FAM171A2: variants seen among roughly 807,000 people sequenced by gnomAD.
The protein encoded by FAM171A2 is family with sequence similarity 171 member A2.
Under a neutral mutation model 34.2 loss-of-function variants are expected in FAM171A2, and 13 were observed. The observed-to-expected ratio is 0.38, with a 90% confidence interval of 0.25 to 0.60. The LOEUF is 0.60. FAM171A2 is among the 20% of genes least tolerant of loss of function. The pLI is 0.62. For missense variants in FAM171A2, 950 were observed against 1,180.7 expected (o/e 0.80, Z 2.86); for synonymous variants, 475 against 561.2 (o/e 0.85, Z 2.17).
chr17:44,354,423 G>T lies in FAM171A2; in HGVS notation c.1791C>A (p.Gly597=). The T allele has an allele frequency of 8.7e-7, 1 of 1,143,332 alleles. No homozygotes were observed. The highest frequency in any genetic ancestry group is 4.1e-5 in the South Asian group (1 of 24,212). The allele number at this position is 1,143,332 out of a possible 1,614,324, so 70.8% of individuals were successfully genotyped here. Residue 597 remains glycine (G), a synonymous_variant, in exon 8 of 8, where the codon GGC becomes GGA. Transcript: ENST00000293443. The surrounding 1 kb of genome is among the most constrained non-coding windows in gnomAD (Gnocchi z 5.8). ...PGHSGPGGEG[G]GGGGEGWGAG... ...CCCCCCAGCCCTCGCCGCCGCCCCCGCCGCCCTCGCCCCCCGGGCCCGAGT... is the reference window on the plus strand; with the variant it reads ...CCCCCCAGCCCTCGCCGCCGCCCCCTCCGCCCTCGCCCCCCGGGCCCGAGT...
Position 44,354,667 on chromosome 17 carries a change from G to A in FAM171A2, c.1547C>T (p.Ala516Val), listed in dbSNP as rs1479330294. The A allele has an allele frequency of 4.4e-5, 58 of 1,322,600 alleles. No individual in the cohort carries two copies. The highest frequency in any genetic ancestry group is 1.3e-4 in the South Asian group (7 of 52,468). 81.9% of individuals were successfully genotyped at this position (1,322,600 alleles called of 1,614,324 possible). The change falls in exon 8 of 8, where the codon GCG becomes GTG. Residue 516 changes from alanine to valine, a missense_variant. Coordinates refer to ENST00000293443, the MANE Select transcript of FAM171A2 (RefSeq NM_198475.3). This position sits in a 1 kb window ranked among gnomAD's most constrained non-coding sequence, Gnocchi z 5.8. ...GGAGCCGCAGAAGATGAGCTGCCCCGCCTGGCCCAGCGACGGCGGCCGCGC... is the reference window on the plus strand; with the variant it reads ...GGAGCCGCAGAAGATGAGCTGCCCCACCTGGCCCAGCGACGGCGGCCGCGC... ...QLARPPSLGQ[A>V]GQLIFCGSID... is the part of the protein sequence containing the mutation.
chr17:44,354,596 G>C lies in FAM171A2; in HGVS notation c.1618C>G (p.Leu540Val). 1 of 1,245,468 alleles carries C rather than the reference G, an allele frequency of 8.0e-7. No individual in the cohort carries two copies. The highest frequency in any genetic ancestry group is 2.9e-5 in the South Asian group (1 of 34,606). The allele number at this position is 1,245,468 out of a possible 1,614,324, so 77.2% of individuals were successfully genotyped here. The change falls in exon 8 of 8, where the codon CTG (leucine) becomes GTG (valine). Residue 540 changes from leucine to valine, a missense_variant. Transcript: ENST00000293443. This position sits in a 1 kb window ranked among gnomAD's most constrained non-coding sequence, Gnocchi z 5.8. ...DNVYRNVMPTLVIPAHYVRLG... is the reference protein window; with the variant it reads ...DNVYRNVMPTVVIPAHYVRLG... The stretch of plus-strand genomic sequence containing the variant: ...CGCACGTAGTGCGCGGGGATCACCA[G>C]GGTGGGCATGACGTTGCGGTAGACG...
At position 44,354,651 on chromosome 17, in the gene FAM171A2, G is replaced by T; in HGVS notation, c.1563C>A (p.Phe521Leu). The change falls in exon 8 of 8, where the codon TTC (phenylalanine) becomes TTA (leucine). Residue 521 changes from phenylalanine to leucine, a missense_variant. Phe to Leu is a conservative substitution (Grantham distance 22, BLOSUM62 0). Coordinates refer to ENST00000293443, the MANE Select transcript of FAM171A2 (RefSeq NM_198475.3). This position sits in a 1 kb window ranked among gnomAD's most constrained non-coding sequence, Gnocchi z 5.8. ...CCTTGAGGTGGTCGATGGAGCCGCA[G>T]AAGATGAGCTGCCCCGCCTGGCCCA... ...PSLGQAGQLI[F>L]CGSIDHLKDN... 1.5e-6 allele frequency: 2 copies of T among 1,303,552 alleles called. No homozygotes were observed. Among genetic ancestry groups the T allele is most frequent in the South Asian group, 4.1e-5 (2 of 48,490 alleles). The allele number at this position is 1,303,552 out of a possible 1,614,324, so 80.7% of individuals were successfully genotyped here. A position where few individuals can be genotyped will look rare whatever the true frequency, so the allele number is the denominator to read the frequency against.
chr17:44,353,657 C>A lies in FAM171A2; in HGVS notation c.*76G>T, dbSNP rs1057395042. ...TGGGGCTGGGAGCTACGCGCGAGGG[C>A]CCCCGCGGGCCCCCGGGGCGCGCAC... On this transcript the variant is annotated 3_prime_UTR_variant, in exon 8 of 8. Transcript: ENST00000293443. The A allele has an allele frequency of 8.2e-6, 9 of 1,103,814 alleles. No individual in the cohort carries two copies. The African/African-American group carries it at 1.2e-4, about 14-fold the overall frequency. The allele number at this position is 1,103,814 out of a possible 1,614,324, so 68.4% of individuals were successfully genotyped here.
Position 44,363,818 on chromosome 17 carries a change from C to T in FAM171A2, c.-104G>A. On this transcript the variant is annotated 5_prime_UTR_variant, in exon 1 of 8. Coordinates refer to ENST00000293443, the MANE Select transcript of FAM171A2 (RefSeq NM_198475.3). ...GCGCCGCGCCTCGCAGCTCCGGCTC[C>T]CGCTCCCGCTGCGGCGCCCGCTCAG... is the stretch of plus-strand genomic sequence containing the variant. The T allele has an allele frequency of 4.5e-6, 2 of 446,128 alleles. No homozygotes were observed. 27.6% of individuals were successfully genotyped at this position (446,128 alleles called of 1,614,324 possible).
rs1185998000 is a variant in FAM171A2 at position 44,355,800 on chromosome 17, A to G, written c.937T>C (p.Tyr313His). 2.4e-5 allele frequency: 38 copies of G among 1,551,656 alleles called. No homozygotes were observed. Among genetic ancestry groups the G allele is most frequent in the Non-Finnish European group, 3.3e-5 (38 of 1,147,026 alleles). Residue 313 changes from tyrosine (Y) to histidine (H), a missense_variant, in exon 7 of 8, where the codon TAC (tyrosine) becomes CAC (histidine). Around this residue, in one of 3 missense-constraint regions of FAM171A2, gnomAD observed 752 missense variants for 924.5 expected, o/e 0.81. Transcript: ENST00000293443. The surrounding 1 kb of genome is among the most constrained non-coding windows in gnomAD (Gnocchi z 4.1). Reference protein sequence around the residue: ...ITSGIQDIGTYHTIFLLTILA... With the variant: ...ITSGIQDIGTHHTIFLLTILA... ...ATGGTGAGCAAGAAGATGGTGTGGT[A>G]GGTGCCGATGTCCTGGATGCCCGAC...
intron 2 of FAM171A2, 67 bp downstream of exon 2, chr17:44,359,838 C>T: frequency 6.8e-7 from 1 of 1,461,832 alleles, no homozygotes; most frequent in Non-Finnish European, 9.2e-7. Context: ...CCCAAGGAGA[C>T]TATTTTGGGA....
At chr17:44,363,480 A>C (rs1361508179) in intron 1 of FAM171A2, 117 bp downstream of exon 1, 4 of 430,958 alleles carry the variant, frequency 9.3e-6, no homozygotes, top group Admixed American at 9.3e-5. Context: ...CCCCCACCCG[A>C]ATCCAGGGAA....
At position 44,355,341 on chromosome 17, in the gene FAM171A2, C is replaced by T. The variant is rs1263137513; in HGVS notation, c.1023-150G>A. ...CTCAGGAGAGATGGCGGGGAGCCGCCGTGTCCGTTTGGCGATCCCCTCAGG... is the reference window on the plus strand; with the variant it reads ...CTCAGGAGAGATGGCGGGGAGCCGCTGTGTCCGTTTGGCGATCCCCTCAGG... On this transcript the variant is annotated intron_variant, in intron 7 of 7. Transcript: ENST00000293443. The surrounding 1 kb of genome is among the most constrained non-coding windows in gnomAD (Gnocchi z 4.1). 1.3e-5 allele frequency: 18 copies of T among 1,377,854 alleles called. No individual in the cohort carries two copies. In the Admixed American group the frequency reaches 1.9e-4, roughly 14 times the overall value. The allele number at this position is 1,377,854 out of a possible 1,614,324, so 85.4% of individuals were successfully genotyped here. A position where few individuals can be genotyped will look rare whatever the true frequency, so the allele number is the denominator to read the frequency against.
intron 3 of FAM171A2, 77 bp from the exon 4 acceptor site, chr17:44,356,665 A>T: frequency 7.0e-7 from 1 of 1,433,366 alleles, no homozygotes. Flanking sequence ...CCCATTATCT[A>T]AGGAAAAGGG....
rs1200373218 is a variant in FAM171A2, at chr17:44,354,654, G to A, written c.1560C>T (p.Ile520=). ...PPSLGQAGQL[I]FCGSIDHLKD... is the part of the protein sequence containing the mutation. ...TGAGGTGGTCGATGGAGCCGCAGAAGATGAGCTGCCCCGCCTGGCCCAGCG... is the reference window on the plus strand; with the variant it reads ...TGAGGTGGTCGATGGAGCCGCAGAAAATGAGCTGCCCCGCCTGGCCCAGCG... Residue 520 remains isoleucine, a synonymous_variant, in exon 8 of 8, where the codon ATC becomes ATT. Coordinates refer to ENST00000293443, the MANE Select transcript of FAM171A2 (RefSeq NM_198475.3). The surrounding 1 kb of genome is among the most constrained non-coding windows in gnomAD (Gnocchi z 5.8). 12 of 1,304,486 alleles carry A rather than the reference G, an allele frequency of 9.2e-6. No homozygotes were observed. Among genetic ancestry groups the A allele is most frequent in the South Asian group, 6.2e-5 (3 of 48,730 alleles). 80.8% of individuals were successfully genotyped at this position (1,304,486 alleles called of 1,614,324 possible).
chr17:44,355,853 G>T lies in FAM171A2; in HGVS notation c.896-12C>A. 1 of 1,551,592 alleles carries T rather than the reference G, an allele frequency of 6.4e-7. No homozygotes were observed. The highest frequency in any genetic ancestry group is 8.7e-7 in the Non-Finnish European group (1 of 1,146,974). On this transcript the variant is annotated splice_polypyrimidine_tract_variant and intron_variant, in intron 6 of 7. Transcript: ENST00000293443. The surrounding 1 kb of genome is among the most constrained non-coding windows in gnomAD (Gnocchi z 4.1). The stretch of plus-strand genomic sequence containing the variant: ...GATGGTGACCAGCCCTGTGCCAGGC[G>T]AGGGCTTAGCGTTCAGGTGTAGACA...
intron 1 of FAM171A2, among the ~76,000 whole-genome samples, chr17:44,361,496 G>C (rs984919785): frequency 6.6e-6 from 1 of 152,118 alleles, no homozygotes; most frequent in East Asian, 1.9e-4. Flanking sequence ...AGGCCTTAGA[G>C]TGGAGCCTGA....
intron 3 of FAM171A2, among the ~76,000 whole-genome samples, chr17:44,357,968 C>T (rs1372871856): frequency 2.0e-5 from 3 of 152,194 alleles, no homozygotes; most frequent in Non-Finnish European, 2.9e-5. Context: ...GTAACTTGCA[C>T]GAGGTCACAA....
Position 44,355,927 on chromosome 17 carries a change from G to T in FAM171A2, c.895+31C>A, listed in dbSNP as rs766412908. ...GCTCTCCCAGCTCCCCTCCTCCGCG[G>T]CCTCTACGCCCACTGCCCCACTACT... On this transcript the variant is annotated intron_variant, in intron 6 of 7. Transcript: ENST00000293443. This position sits in a 1 kb window ranked among gnomAD's most constrained non-coding sequence, Gnocchi z 4.1. The T allele has an allele frequency of 2.9e-5, 44 of 1,541,900 alleles. No homozygotes were observed. The highest frequency in any genetic ancestry group is 3.0e-5 in the Non-Finnish European group (34 of 1,141,202).
rs2048458182 is a variant in FAM171A2 at position 44,363,775 on chromosome 17, C to T, written c.-61G>A. The T allele has an allele frequency of 1.3e-6, 1 of 774,646 alleles. No individual in the cohort carries two copies. Among genetic ancestry groups the T allele is most frequent in the Non-Finnish European group, 1.7e-6 (1 of 586,004 alleles). The allele number at this position is 774,646 out of a possible 1,614,324, so 48.0% of individuals were successfully genotyped here. On this transcript the variant is annotated 5_prime_UTR_variant, in exon 1 of 8. Coordinates refer to ENST00000293443, the MANE Select transcript of FAM171A2 (RefSeq NM_198475.3). The stretch of plus-strand genomic sequence containing the variant: ...CCCGCCTGGTCCCGCTCGCCCGGCC[C>T]CGCGCAGCCCCAGCTCTGCGCCGCG...
intron 1 of FAM171A2, among the ~76,000 whole-genome samples, chr17:44,362,575 C>T (rs2048452251): frequency 6.6e-6 from 1 of 152,180 alleles, no homozygotes; most frequent in Non-Finnish European, 1.5e-5. Flanking sequence ...GAGCAGGACC[C>T]GGGAGGTGGA....
intron 1 of FAM171A2, among the ~76,000 whole-genome samples, chr17:44,360,464 G>A (rs972375197): frequency 6.6e-6 from 1 of 152,190 alleles, no homozygotes; most frequent in African/African-American, 2.4e-5. Flanking sequence ...TGAAATCATG[G>A]TGCATCTTAC....
intron 1 of FAM171A2, among the ~76,000 whole-genome samples, chr17:44,362,780 T>TG (rs1395323423): frequency 6.6e-6 from 1 of 150,420 alleles, no homozygotes; most frequent in African/African-American, 2.4e-5. Flanking sequence ...GGGGGTGATA[T>TG]GGGGGCGGGC....
Sources: allele counts gnomAD v4.1 joint callset (sites outside exome capture counted in the v4.1 genomes callset), GRCh38; gene constraint gnomAD v4.1.1; regional missense constraint gnomAD v4.1.1; non-coding constraint Gnocchi (gnomAD v3.1); transcripts MANE v1.5; gene names NCBI Gene and HGNC (gene_info 2026-07-23, HGNC 2026-07-21).